The following DLX4 variants were observed in gnomAD, a reference collection of about 807,000 sequenced individuals.
The protein encoded by DLX4 is distal-less homeobox 4, also known as homeobox protein DLX-4.
Under a neutral mutation model 17.1 loss-of-function variants are expected in DLX4, and 13 were observed. That is an observed-to-expected ratio of 0.76 (90% CI 0.49 to 1.21). The LOEUF is 1.21. Ranked by LOEUF, DLX4 falls within the 50% of genes most tolerant of loss-of-function variation. The pLI is 0.00. For synonymous variants in DLX4, 129 were observed against 140.3 expected (o/e 0.92, Z 0.57); for missense variants, 297 against 301.4 (o/e 0.99, Z 0.11).
chr17:49,969,214 A>C lies in DLX4; in HGVS notation c.-255A>C. ...CGTCGGGTCCCGGGAACCGAACCCG[A>C]TGGAGAGGAGGGGGCCCCCATGGAT... On this transcript the variant is annotated 5_prime_UTR_variant, in exon 1 of 3. An upstream start codon of the reference 5' UTR is lost. Transcript: ENST00000240306. 5.3e-6 allele frequency: 2 copies of C among 374,678 alleles called. No homozygotes were observed. The highest frequency in any genetic ancestry group is 4.7e-6 in the Non-Finnish European group (1 of 211,678). 23.2% of individuals were successfully genotyped at this position (374,678 alleles called of 1,614,324 possible).
intron 1 of DLX4, chr17:49,971,960 G>C (rs912009922): frequency 3.3e-5 from 5 of 152,232 alleles, no homozygotes; most frequent in Admixed American, 6.5e-5. Flanking sequence ...GGACGCGGGC[G>C]GACAGAAGCC....
In DLX4 at chr17:49,969,396, T is replaced by A. The variant is rs1905417259; in HGVS notation, c.-73T>A. ...GCCCGTCCGGCCCAACGCCGGAGGC[T>A]TGGAAAAGAGAGTTGGCAGCGGGAG... On this transcript the variant is annotated 5_prime_UTR_variant, in exon 1 of 3. It adds an upstream start codon to the 5' untranslated region. Coordinates refer to ENST00000240306, the MANE Select transcript of DLX4 (RefSeq NM_138281.3). The A allele has an allele frequency of 1.2e-5, 18 of 1,461,324 alleles. No homozygotes were observed. The highest frequency in any genetic ancestry group is 1.6e-5 in the Non-Finnish European group (18 of 1,110,738). The allele number at this position is 1,461,324 out of a possible 1,614,324, so 90.5% of individuals were successfully genotyped here. A position where few individuals can be genotyped will look rare whatever the true frequency, so the allele number is the denominator to read the frequency against.
intron 1 of DLX4, 54 bp from the exon 2 acceptor site, chr17:49,973,019 T>G: frequency 1.3e-6 from 2 of 1,596,826 alleles, no homozygotes; most frequent in Non-Finnish European, 1.7e-6. Flanking sequence ...AAACTGTCCG[T>G]CCTACCCCCT....
chr17:49,969,251 G>C lies in DLX4; in HGVS notation c.-218G>C, dbSNP rs1007504777. 1.0e-5 allele frequency: 4 copies of C among 397,324 alleles called. No homozygotes were observed. In the African/African-American group the frequency reaches 1.5e-4, roughly 15 times the overall value. The allele number at this position is 397,324 out of a possible 1,614,324, so 24.6% of individuals were successfully genotyped here. A position where few individuals can be genotyped will look rare whatever the true frequency, so the allele number is the denominator to read the frequency against. ...GGGCCCCCATGGATTTAGGGGGGGAGGGGAAAGTCATGGGGGGCACCCCCC... is the reference window on the plus strand; with the variant it reads ...GGGCCCCCATGGATTTAGGGGGGGACGGGAAAGTCATGGGGGGCACCCCCC... On this transcript the variant is annotated 5_prime_UTR_variant, in exon 1 of 3. Coordinates refer to ENST00000240306, the MANE Select transcript of DLX4 (RefSeq NM_138281.3).
At position 49,969,369 on chromosome 17, in the gene DLX4, G is replaced by A. The variant is rs905161751; in HGVS notation, c.-100G>A. On this transcript the variant is annotated 5_prime_UTR_variant, in exon 1 of 3. Coordinates refer to ENST00000240306, the MANE Select transcript of DLX4 (RefSeq NM_138281.3). The stretch of plus-strand genomic sequence containing the variant: ...TTAAGTGTGGGGGCTGCTGGCTGGG[G>A]GGCCCGTCCGGCCCAACGCCGGAGG... 6 of 1,349,732 alleles carry A rather than the reference G, an allele frequency of 4.4e-6. No individual in the cohort carries two copies. The Admixed American group carries it at 1.3e-4, about 28-fold the overall frequency. 83.6% of individuals were successfully genotyped at this position (1,349,732 alleles called of 1,614,324 possible).
Position 49,972,729 on chromosome 17 carries a change from C to G in DLX4, c.284-344C>G. ...CCTTTCTGCCCCGCCCTACCCCAAG[C>G]TGGCGCCACCGCCCGTGGCTGAACT... On this transcript the variant is annotated intron_variant, in intron 1 of 2. Transcript: ENST00000240306. This position sits in a 1 kb window ranked among gnomAD's most constrained non-coding sequence, Gnocchi z 5.4. The G allele has an allele frequency of 5.8e-6, 8 of 1,374,184 alleles. No individual in the cohort carries two copies. The highest frequency in any genetic ancestry group is 7.5e-6 in the Non-Finnish European group (8 of 1,069,230). 85.1% of individuals were successfully genotyped at this position (1,374,184 alleles called of 1,614,324 possible).
At position 49,972,339 on chromosome 17, in the gene DLX4, C is replaced by A. The variant is rs1905535814; in HGVS notation, c.284-734C>A. 6.6e-6 allele frequency: 1 copy of A among 152,278 alleles called. No individual in the cohort carries two copies. The highest frequency in any genetic ancestry group is 2.1e-4 in the South Asian group (1 of 4,834). The allele number at this position is 152,278 out of a possible 1,614,324, so 9.4% of individuals were successfully genotyped here. On this transcript the variant is annotated intron_variant, in intron 1 of 2. Transcript: ENST00000240306. The surrounding 1 kb of genome is among the most constrained non-coding windows in gnomAD (Gnocchi z 5.4). ...CGGGTCACCTTCCCTGCCGCCGGAACCGCTCTGTGCGCGCTGCCCAACGAA... is the reference window on the plus strand; with the variant it reads ...CGGGTCACCTTCCCTGCCGCCGGAAACGCTCTGTGCGCGCTGCCCAACGAA...
chr17:49,972,944 C>T lies in DLX4; in HGVS notation c.284-129C>T, dbSNP rs921735499. ...GAGGGCAGGGGCCAAGGGGGCGATC[C>T]TGGTGGCTGCGCTTTTTGCTATTTG... On this transcript the variant is annotated intron_variant, in intron 1 of 2. Coordinates refer to ENST00000240306, the MANE Select transcript of DLX4 (RefSeq NM_138281.3). This position sits in a 1 kb window ranked among gnomAD's most constrained non-coding sequence, Gnocchi z 5.4. 19 of 1,507,996 alleles carry T rather than the reference C, an allele frequency of 1.3e-5. No individual in the cohort carries two copies. In the Admixed American group the frequency reaches 4.1e-4, roughly 33 times the overall value. 93.4% of individuals were successfully genotyped at this position (1,507,996 alleles called of 1,614,324 possible).
chr17:49,969,449 C>G lies in DLX4; in HGVS notation c.-20C>G. 6.6e-7 allele frequency: 1 copy of G among 1,515,844 alleles called. No individual in the cohort carries two copies. Among genetic ancestry groups the G allele is most frequent in the Non-Finnish European group, 8.8e-7 (1 of 1,137,316 alleles). 93.9% of individuals were successfully genotyped at this position (1,515,844 alleles called of 1,614,324 possible). A position where few individuals can be genotyped will look rare whatever the true frequency, so the allele number is the denominator to read the frequency against. On this transcript the variant is annotated 5_prime_UTR_variant, in exon 1 of 3. Coordinates refer to ENST00000240306, the MANE Select transcript of DLX4 (RefSeq NM_138281.3). The stretch of plus-strand genomic sequence containing the variant: ...GACTACGTGCCGGGCCATGGCCCTT[C>G]TGCCCGGGCCCTGGCCACAATGACC...
At position 49,969,524 on chromosome 17, in the gene DLX4, C is replaced by G. The variant is rs1277056207; in HGVS notation, c.56C>G (p.Pro19Arg). ...PGRDASKAVF[P>R]DLAPVPSVAA... is the part of the protein sequence containing the mutation. ...CGGGACGCCTCCAAAGCTGTCTTCC[C>G]AGACCTCGCCCCTGTCCCGTCGGTA... The change falls in exon 1 of 3, where the codon CCA becomes CGA. Residue 19 changes from proline (P) to arginine (R), a missense_variant. Physicochemically the swap from Pro to Arg is moderately radical, Grantham distance 103 (BLOSUM62 -2). Coordinates refer to ENST00000240306, the MANE Select transcript of DLX4 (RefSeq NM_138281.3). 1 of 1,612,068 alleles carries G rather than the reference C, an allele frequency of 6.2e-7. No homozygotes were observed. Among genetic ancestry groups the G allele is most frequent in the Non-Finnish European group, 8.5e-7 (1 of 1,179,788 alleles).
Position 49,969,234 on chromosome 17 carries a change from A to T in DLX4, c.-235A>T. 1 of 414,494 alleles carries T rather than the reference A, an allele frequency of 2.4e-6. No homozygotes were observed. Among genetic ancestry groups the T allele is most frequent in the Non-Finnish European group, 4.1e-6 (1 of 243,630 alleles). The allele number at this position is 414,494 out of a possible 1,614,324, so 25.7% of individuals were successfully genotyped here. A position where few individuals can be genotyped will look rare whatever the true frequency, so the allele number is the denominator to read the frequency against. ...ACCCGATGGAGAGGAGGGGGCCCCC[A>T]TGGATTTAGGGGGGGAGGGGAAAGT... On this transcript the variant is annotated 5_prime_UTR_variant, in exon 1 of 3. It removes an upstream start codon present in the reference 5' UTR. Coordinates refer to ENST00000240306, the MANE Select transcript of DLX4 (RefSeq NM_138281.3).
In DLX4 at chr17:49,973,773, G is replaced by T. The variant is rs753217146; in HGVS notation, c.553G>T (p.Gly185Trp). 1.3e-6 allele frequency: 2 copies of T among 1,567,616 alleles called. No individual in the cohort carries two copies. The highest frequency in any genetic ancestry group is 1.7e-6 in the Non-Finnish European group (2 of 1,155,922). The part of the protein sequence containing the change: ...LLKQNSGGQE[G>W]DFPGRTFSVS... Reference sequence around the variant, plus strand: ...GAAGCAGAATTCTGGGGGGCAGGAAGGGGACTTCCCTGGGAGGACCTTCTC... The same window carrying T: ...GAAGCAGAATTCTGGGGGGCAGGAATGGGACTTCCCTGGGAGGACCTTCTC... Residue 185 changes from glycine to tryptophan, a missense_variant, in exon 3 of 3, where the codon GGG becomes TGG. Transcript: ENST00000240306.
In DLX4 at chr17:49,971,565, A is replaced by T. The variant is rs893610115; in HGVS notation, c.284-1508A>T. ...GGCAGCTGTCCGGGAAGGAACTTGG[A>T]GGGGGTCTGCTGGGAGAGTTGGGGC... On this transcript the variant is annotated intron_variant, in intron 1 of 2. Coordinates refer to ENST00000240306, the MANE Select transcript of DLX4 (RefSeq NM_138281.3). Among the ~76,000 whole-genome samples the T allele has an allele frequency of 2.0e-5, 3 of 151,716 alleles. No homozygotes were observed. In the South Asian group the frequency reaches 6.2e-4, roughly 32 times the overall value.
intron 1 of DLX4, chr17:49,971,996 G>A (rs1905522568): frequency 6.6e-6 from 1 of 152,304 alleles, no homozygotes; most frequent in South Asian, 2.1e-4. Flanking sequence ...AGGTCGGCTG[G>A]ACAGACCCGC....
In DLX4 at chr17:49,974,002, T is replaced by C. The variant is rs1389838209; in HGVS notation, c.*59T>C. 1 of 1,515,524 alleles carries C rather than the reference T, an allele frequency of 6.6e-7. No homozygotes were observed. The highest frequency in any genetic ancestry group is 1.4e-5 in the African/African-American group (1 of 71,678). 93.9% of individuals were successfully genotyped at this position (1,515,524 alleles called of 1,614,324 possible). On this transcript the variant is annotated 3_prime_UTR_variant, in exon 3 of 3. Coordinates refer to ENST00000240306, the MANE Select transcript of DLX4 (RefSeq NM_138281.3). Reference sequence around the variant, plus strand: ...CCTGCAAAGCCCAGGACCCAGGCAGTCCACCTGCACCCCTTCTGGGCTGGG... The same window carrying C: ...CCTGCAAAGCCCAGGACCCAGGCAGCCCACCTGCACCCCTTCTGGGCTGGG...
chr17:49,969,108 G>A, upstream of DLX4: 1 of 231,134 alleles, frequency 4.3e-6, no homozygotes, highest in Admixed American at 5.8e-5. Context: ...GGCTGTCCCG[G>A]GGGGCGGGGC....
At chr17:49,968,674 G>T (rs2144154894), upstream of DLX4, among the ~76,000 whole-genome samples, 1 of 152,034 alleles carries the variant, frequency 6.6e-6, no homozygotes, top group East Asian at 1.9e-4. Context: ...CACGCGTGCG[G>T]GGCAGGCTGG....
chr17:49,969,843 G>GGGATACAAACCTTCCTT, intron 1 of DLX4, 92 bp downstream of exon 1: 1 of 1,085,776 alleles, frequency 9.2e-7, no homozygotes. Context: ...CGCAGCTAGC[G>GGGATACAAACCTTCCTT]GGATTCAAAC....
chr17:49,973,036 C>T (rs756579600), intron 1 of DLX4, 37 bp from the exon 2 acceptor site: 4 of 1,607,792 alleles, frequency 2.5e-6, no homozygotes, highest in Non-Finnish European at 3.4e-6. Context: ...CCCTCGCTCC[C>T]TCCTCGCCCC....
Sources: allele counts gnomAD v4.1 joint callset (sites outside exome capture counted in the v4.1 genomes callset), GRCh38; gene constraint gnomAD v4.1.1; non-coding constraint Gnocchi (gnomAD v3.1); transcripts MANE v1.5; gene names NCBI Gene and HGNC (gene_info 2026-07-23, HGNC 2026-07-21).